Variants in LATS2 observed in about 807,000 individuals in gnomAD.
LATS2 encodes the protein serine/threonine-protein kinase LATS2.
LATS2 carries 24 observed loss-of-function variants against 76.0 expected under a neutral mutation model. The ratio of observed to expected loss-of-function variants is 0.32; its 90% CI spans 0.23 to 0.44. The LOEUF is 0.44. LATS2 is among the 20% of genes least tolerant of loss of function. The pLI, the probability that LATS2 is intolerant of heterozygous loss-of-function variation, is 1.00. For synonymous variants in LATS2, 692 were observed against 635.4 expected (o/e 1.09, Z -1.34); for missense variants, 1,286 against 1,481.2 (o/e 0.87, Z 2.16).
intron 2 of LATS2, among the ~76,000 whole-genome samples, chr13:21,002,781 C>T (rs1371752834): frequency 6.6e-6 from 1 of 152,156 alleles, no homozygotes; most frequent in African/African-American, 2.4e-5. Context: ...CAGCCTCTAA[C>T]TCCTGGGCTC....
intron 2 of LATS2, among the ~76,000 whole-genome samples, chr13:21,021,474 CAAAAAAAA>C (rs58976562): frequency 1.7e-3 from 84 of 48,356 alleles, no homozygotes; most frequent in Non-Finnish European, 2.8e-3. Context: ...GACTCTGTCT[CAAAAAAAA>C]AAAAAAAAAA....
In LATS2 at chr13:20,991,976, G is replaced by A. The variant is rs1034162972; in HGVS notation, c.343-572C>T. Among the ~76,000 whole-genome samples the A allele has an allele frequency of 6.6e-6, 1 of 152,190 alleles. No homozygotes were observed. Among genetic ancestry groups the A allele is most frequent in the Non-Finnish European group, 1.5e-5 (1 of 68,030 alleles). On this transcript the variant is annotated intron_variant, in intron 2 of 7. Transcript: ENST00000382592. This position sits in a 1 kb window ranked among gnomAD's most constrained non-coding sequence, Gnocchi z 4.9. ...AAGAAAGAAAGGAGACAAAACAGGG[G>A]CCCATGGAGCCACACCGGTCCAGGA...
chr13:21,057,697 G>T (rs1018693837), intron 1 of LATS2, among the ~76,000 whole-genome samples: 5 of 152,224 alleles, frequency 3.3e-5, no homozygotes, highest in Non-Finnish European at 7.4e-5. Flanking sequence ...CTACTCAGGA[G>T]GCTGAGGCAG....
intron 6 of LATS2, among the ~76,000 whole-genome samples, chr13:20,981,216 G>A (rs779706029): frequency 6.6e-6 from 1 of 152,122 alleles, no homozygotes; most frequent in Non-Finnish European, 1.5e-5. Flanking sequence ...ATTCCCTTGG[G>A]TCTAGGTAGA....
chr13:20,992,171 G>A (rs1595219495), intron 2 of LATS2, among the ~76,000 whole-genome samples: 1 of 152,326 alleles, frequency 6.6e-6, no homozygotes, highest in East Asian at 1.9e-4. Flanking sequence ...CCCTGGGAGA[G>A]AAAAGGCATT....
rs574042898 is a variant in LATS2 at position 21,038,362 on chromosome 13, C to T, written c.342+7323G>A. Among the ~76,000 whole-genome samples the T allele has an allele frequency of 7.9e-5, 12 of 152,016 alleles. No homozygotes were observed. In the East Asian group the frequency reaches 2.3e-3, roughly 29 times the overall value. On this transcript the variant is annotated intron_variant, in intron 2 of 7. Coordinates refer to ENST00000382592, the MANE Select transcript of LATS2 (RefSeq NM_014572.3). ...GTATTATATAGTTTAATATATAATT[C>T]CATCTTTTTTTTTTAATTTAAAAAA... is the stretch of plus-strand genomic sequence containing the variant.
chr13:21,007,649 G>A (rs1298314415), intron 2 of LATS2, among the ~76,000 whole-genome samples: 7 of 8,542 alleles, frequency 8.2e-4, no homozygotes, highest in African/African-American at 4.2e-3. Context: ...TATATAGTGT[G>A]TGTATATATA....
chr13:21,003,945 A>C (rs1871155479), intron 2 of LATS2, among the ~76,000 whole-genome samples: 1 of 152,176 alleles, frequency 6.6e-6, no homozygotes, highest in Non-Finnish European at 1.5e-5. Flanking sequence ...TTAATATTTG[A>C]CTACAAAATT....
At chr13:21,033,122 GAAA>G (rs1054746367) in intron 2 of LATS2, among the ~76,000 whole-genome samples, 2 of 139,736 alleles carry the variant, frequency 1.4e-5, no homozygotes, top group Admixed American at 1.4e-4. Context: ...ACACTTAAGA[GAAA>G]AAAAAAAAAT....
intron 7 of LATS2, among the ~76,000 whole-genome samples, chr13:20,976,013 C>G (rs550136944): frequency 1.3e-5 from 2 of 152,288 alleles, no homozygotes; most frequent in Non-Finnish European, 2.9e-5. Flanking sequence ...CAAAAAACGG[C>G]CAACTGGGGT....
intron 2 of LATS2, among the ~76,000 whole-genome samples, chr13:21,028,733 G>A (rs1321263222): frequency 6.6e-6 from 1 of 152,096 alleles, no homozygotes; most frequent in Admixed American, 6.6e-5. Context: ...ACCACGCCCT[G>A]CTAATTTTTG....
intron 2 of LATS2, among the ~76,000 whole-genome samples, chr13:21,044,943 G>T (rs1437335312): frequency 6.6e-6 from 1 of 151,982 alleles, no homozygotes; most frequent in East Asian, 1.9e-4. Context: ...GTCCAGGCTG[G>T]TCTCAAACTC....
At chr13:20,978,472 TTGAA>T (rs1221079380) in intron 7 of LATS2, among the ~76,000 whole-genome samples, 1 of 152,166 alleles carries the variant, frequency 6.6e-6, no homozygotes, top group African/African-American at 2.4e-5. Context: ...TTTAACTACT[TTGAA>T]TGAATATTAG....
intron 2 of LATS2, among the ~76,000 whole-genome samples, chr13:21,040,221 T>C (rs1417204476): frequency 2.0e-5 from 3 of 151,818 alleles, no homozygotes; most frequent in African/African-American, 2.4e-5. Flanking sequence ...ACCCCGTCTC[T>C]ACAAAAAATA....
intron 1 of LATS2, among the ~76,000 whole-genome samples, chr13:21,050,379 C>T (rs1873233351): frequency 6.6e-6 from 1 of 151,966 alleles, no homozygotes; most frequent in Admixed American, 6.6e-5. Flanking sequence ...CAGGCCCCCA[C>T]AGACCAAGGG....
chr13:20,979,723 A>T lies in LATS2; in HGVS notation c.2740T>A (p.Leu914Met). ...FEMLVGQPPF[L>M]APTPTETQLK... ...TGGGTTTCTGTGGGAGTAGGTGCCA[A>T]AAAGGGCGGCTGCCCCACCAGCATC... The change falls in exon 7 of 8, where the codon TTG becomes ATG. Residue 914 changes from leucine to methionine, a missense_variant. Physicochemically the swap from Leu to Met is conservative, Grantham distance 15. Transcript: ENST00000382592. 6.2e-7 allele frequency: 1 copy of T among 1,612,942 alleles called. No homozygotes were observed. The highest frequency in any genetic ancestry group is 8.5e-7 in the Non-Finnish European group (1 of 1,179,192).
rs1869768970 is a variant in LATS2 at position 20,979,368 on chromosome 13, G to A, written c.2772+323C>T. On this transcript the variant is annotated intron_variant, in intron 7 of 7. Transcript: ENST00000382592. Reference sequence around the variant, plus strand: ...TGTGTTCTCTGCAGGGCAGGTGTGGGTGGGGGAGACAGTGGATCAGCAGCA... The same window carrying A: ...TGTGTTCTCTGCAGGGCAGGTGTGGATGGGGGAGACAGTGGATCAGCAGCA... Among the ~76,000 whole-genome samples, 3 of 152,198 alleles carry A rather than the reference G, an allele frequency of 2.0e-5. No homozygotes were observed. In the South Asian group the frequency reaches 6.2e-4, roughly 32 times the overall value.
intron 2 of LATS2, among the ~76,000 whole-genome samples, chr13:21,015,200 T>C (rs1871753353): frequency 6.6e-6 from 1 of 152,240 alleles, no homozygotes; most frequent in African/African-American, 2.4e-5. Context: ...TTCTCATGAA[T>C]GGTTAGATAC....
At chr13:21,013,975 A>G (rs960835030) in intron 2 of LATS2, among the ~76,000 whole-genome samples, 3 of 151,080 alleles carry the variant, frequency 2.0e-5, no homozygotes, top group African/African-American at 7.3e-5. Context: ...CCAACTTGAA[A>G]ACAAAAGAAG....
Sources: allele counts gnomAD v4.1 joint callset (sites outside exome capture counted in the v4.1 genomes callset), GRCh38; gene constraint gnomAD v4.1.1; non-coding constraint Gnocchi (gnomAD v3.1); transcripts MANE v1.5; gene names NCBI Gene and HGNC (gene_info 2026-07-23, HGNC 2026-07-21).